TAF4: variants seen among roughly 807,000 people sequenced by gnomAD.
The protein encoded by TAF4 is transcription initiation factor TFIID subunit 4.
TAF4 carries 9 observed loss-of-function variants against 90.3 expected under a neutral mutation model. The observed-to-expected ratio is 0.10, with a 90% CI of 0.06 to 0.17. The LOEUF (loss-of-function observed/expected upper bound fraction) is 0.17, where lower values mean the gene tolerates loss of function less well. Ranked by LOEUF, TAF4 falls within the 10% of genes least tolerant of loss-of-function variation. The probability of loss-of-function intolerance (pLI) is 1.00; values close to 1 mark genes in which losing one functional copy is unlikely to be tolerated. For missense variants in TAF4, 1,351 were observed against 1,370.7 expected (o/e 0.99, Z 0.23); for synonymous variants, 818 against 638.9 (o/e 1.28, Z -4.23).
At chr20:61,991,563 C>T (rs1049211031) in intron 14 of TAF4, among the ~76,000 whole-genome samples, 1 of 151,922 alleles carries the variant, frequency 6.6e-6, no homozygotes, top group African/African-American at 2.4e-5. Flanking sequence ...CACACCACTG[C>T]ACTCCAGCAT....
At chr20:62,049,244 G>A (rs767632082) in intron 1 of TAF4, among the ~76,000 whole-genome samples, 2 of 152,082 alleles carry the variant, frequency 1.3e-5, no homozygotes, top group Admixed American at 6.5e-5. Context: ...CCCTGCAAGC[G>A]GGGTTCCCAG....
chr20:61,998,701 G>A (rs28382116), intron 12 of TAF4, among the ~76,000 whole-genome samples: 2,262 of 152,330 alleles, frequency 0.015, 58 homozygotes, highest in African/African-American at 0.051. Context: ...CCAGTCCAGC[G>A]CACACAGGGG....
At chr20:62,002,696 T>C (rs1202000787) in intron 9 of TAF4, among the ~76,000 whole-genome samples, 1 of 152,144 alleles carries the variant, frequency 6.6e-6, no homozygotes, top group Non-Finnish European at 1.5e-5. Context: ...GGTTTTACTA[T>C]GTTGTGCAGG....
At chr20:62,045,250 C>T (rs367767741) in intron 1 of TAF4, among the ~76,000 whole-genome samples, 2 of 152,178 alleles carry the variant, frequency 1.3e-5, no homozygotes, top group African/African-American at 4.8e-5. Context: ...ACCTCCTGGC[C>T]CATGCACCCT....
chr20:62,008,770 A>G, intron 5 of TAF4: 1 of 297,192 alleles, frequency 3.4e-6, no homozygotes, highest in Non-Finnish European at 6.2e-6. Flanking sequence ...GGGCAGCCAG[A>G]GGAGAAGAGA....
Position 62,009,095 on chromosome 20 carries a change from G to C in TAF4, c.1841C>G (p.Thr614Arg). 6.2e-7 allele frequency: 1 copy of C among 1,613,784 alleles called. No homozygotes were observed. The highest frequency in any genetic ancestry group is 8.5e-7 in the Non-Finnish European group (1 of 1,179,936). ...IKLASSGKQS[T>R]ETAANVKELV... ...CTCTTTCACATTAGCTGCTGTCTCT[G>C]TAGACTGCTTGCCAGATGAAGCCAG... The change falls in exon 5 of 15, where the codon ACA (threonine) becomes AGA (arginine). Residue 614 changes from threonine (T) to arginine (R), a missense_variant. Physicochemically the swap from Thr to Arg is moderately conservative, Grantham distance 71. Coordinates refer to ENST00000252996, the MANE Select transcript of TAF4 (RefSeq NM_003185.4).
At chr20:62,036,226 T>C (rs781767170) in intron 1 of TAF4, among the ~76,000 whole-genome samples, 7 of 152,200 alleles carry the variant, frequency 4.6e-5, no homozygotes, top group African/African-American at 7.2e-5. Flanking sequence ...AGTTTCACCA[T>C]GTTGGCCAGG....
chr20:62,046,421 C>G (rs2055993620), intron 1 of TAF4, among the ~76,000 whole-genome samples: 1 of 152,236 alleles, frequency 6.6e-6, no homozygotes. Context: ...TTAGCTTTTT[C>G]TAGAATTTCA....
intron 14 of TAF4, among the ~76,000 whole-genome samples, chr20:61,990,240 G>A (rs560245868): frequency 1.2e-4 from 18 of 152,310 alleles, no homozygotes; most frequent in South Asian, 2.1e-4. Context: ...GTGGTGTAGC[G>A]GGGACGAAGC....
chr20:62,060,158 C>T, intron 1 of TAF4, among the ~76,000 whole-genome samples: 1 of 152,246 alleles, frequency 6.6e-6, no homozygotes, highest in Admixed American at 6.5e-5. Context: ...GTCCTGGAAG[C>T]CAGGGTGGCT....
At chr20:62,053,242 C>T (rs1437965076) in intron 1 of TAF4, among the ~76,000 whole-genome samples, 1 of 152,218 alleles carries the variant, frequency 6.6e-6, no homozygotes, top group East Asian at 1.9e-4. Flanking sequence ...CAGAGCTCTG[C>T]GTCTAATCGA....
At chr20:62,063,971 A>T (rs1464160702) in intron 1 of TAF4, among the ~76,000 whole-genome samples, 5 of 152,210 alleles carry the variant, frequency 3.3e-5, no homozygotes, top group Admixed American at 2.6e-4. Flanking sequence ...CAAGGGGCAG[A>T]AAGGCTAAGT....
chr20:62,051,821 G>C (rs942548119), intron 1 of TAF4, among the ~76,000 whole-genome samples: 2 of 152,194 alleles, frequency 1.3e-5, no homozygotes, highest in Admixed American at 6.5e-5. Flanking sequence ...CAATACCTCA[G>C]GGGCGTCCCG....
chr20:62,045,967 C>T (rs2055990962), intron 1 of TAF4, among the ~76,000 whole-genome samples: 1 of 152,220 alleles, frequency 6.6e-6, no homozygotes, highest in Non-Finnish European at 1.5e-5. Context: ...AATACTGATT[C>T]TCTCCTAAAG....
At position 62,006,255 on chromosome 20, in the gene TAF4, C is replaced by A. The variant is rs138401780; in HGVS notation, c.2223+255G>T. On this transcript the variant is annotated intron_variant, in intron 7 of 14. Coordinates refer to ENST00000252996, the MANE Select transcript of TAF4 (RefSeq NM_003185.4). The surrounding 1 kb of genome is among the most constrained non-coding windows in gnomAD (Gnocchi z 7.0). ...CATTTACACCAGTAACATCCCCAGACAAGGCAGGGCGGGGACGTGCCGGTG... is the reference window on the plus strand; with the variant it reads ...CATTTACACCAGTAACATCCCCAGAAAAGGCAGGGCGGGGACGTGCCGGTG... 5.8e-4 allele frequency: 231 copies of A among 400,916 alleles called. 1 individual carries two copies. Among genetic ancestry groups the A allele is most frequent in the African/African-American group, 4.1e-3 (199 of 48,664 alleles). 24.8% of individuals were successfully genotyped at this position (400,916 alleles called of 1,614,324 possible). A position where few individuals can be genotyped will look rare whatever the true frequency, so the allele number is the denominator to read the frequency against.
chr20:62,029,486 G>GCGCGCACACA (rs148456376), intron 1 of TAF4, among the ~76,000 whole-genome samples: 41 of 146,188 alleles, frequency 2.8e-4, no homozygotes, highest in African/African-American at 1.0e-3. Context: ...GCGCGCGCGC[G>GCGCGCACACA]CACACACACA....
Position 62,010,716 on chromosome 20 carries a change from C to G in TAF4, c.1642-551G>C, listed in dbSNP as rs1417091048. Among the ~76,000 whole-genome samples, 1 of 152,148 alleles carries G rather than the reference C, an allele frequency of 6.6e-6. No homozygotes were observed. Among genetic ancestry groups the G allele is most frequent in the African/African-American group, 2.4e-5 (1 of 41,438 alleles). The stretch of plus-strand genomic sequence containing the variant: ...GTGAGTGTCAACAAGAAGCCTCCCA[C>G]AGAGGGGAGTTTTCAGAGCAGATTC... On this transcript the variant is annotated intron_variant, in intron 3 of 14. Transcript: ENST00000252996. The surrounding 1 kb of genome is among the most constrained non-coding windows in gnomAD (Gnocchi z 4.5).
At chr20:62,038,534 T>C (rs2055946523) in intron 1 of TAF4, among the ~76,000 whole-genome samples, 1 of 152,036 alleles carries the variant, frequency 6.6e-6, no homozygotes. Flanking sequence ...ACAAAATTTT[T>C]TAAAGGACCA....
chr20:62,051,405 T>C (rs966081886), intron 1 of TAF4, among the ~76,000 whole-genome samples: 6 of 152,032 alleles, frequency 3.9e-5, no homozygotes, highest in Admixed American at 1.3e-4. Flanking sequence ...TCTCACACGA[T>C]ACTCCTGTCA....
Sources: allele counts gnomAD v4.1 joint callset (sites outside exome capture counted in the v4.1 genomes callset), GRCh38; gene constraint gnomAD v4.1.1; non-coding constraint Gnocchi (gnomAD v3.1); transcripts MANE v1.5; gene names NCBI Gene and HGNC (gene_info 2026-07-23, HGNC 2026-07-21).